Variants in SEPTIN9 observed in about 807,000 individuals in gnomAD.
SEPTIN9 encodes the protein septin 9, also known as septin-9.
A neutral mutation model predicts 56.6 loss-of-function variants in SEPTIN9; 13 were observed. The ratio of observed to expected loss-of-function variants is 0.23; its 90% CI spans 0.15 to 0.37. SEPTIN9 has a LOEUF of 0.37. Among genes scored for constraint, SEPTIN9 ranks in the 10% least tolerant of loss-of-function variants. The pLI, the probability that SEPTIN9 is intolerant of heterozygous loss-of-function variation, is 1.00. For missense variants in SEPTIN9, 650 were observed against 823.1 expected (o/e 0.79, Z 2.57); for synonymous variants, 332 against 334.1 (o/e 0.99, Z 0.07).
chr17:77,313,332 G>A lies in SEPTIN9; in HGVS notation c.76+6135G>A, dbSNP rs985757249. The stretch of plus-strand genomic sequence containing the variant: ...GGGCCCAACCGGGCTGCTTCTCCCC[G>A]TTGTCTTGGTTTCCTTCCACGCTGA... On this transcript the variant is annotated intron_variant, in intron 2 of 11. Transcript: ENST00000427177. The surrounding 1 kb of genome is among the most constrained non-coding windows in gnomAD (Gnocchi z 4.5). Among the ~76,000 whole-genome samples, 1 of 152,206 alleles carries A rather than the reference G, an allele frequency of 6.6e-6. No individual in the cohort carries two copies. Among genetic ancestry groups the A allele is most frequent in the Non-Finnish European group, 1.5e-5 (1 of 68,034 alleles).
intron 2 of SEPTIN9, among the ~76,000 whole-genome samples, chr17:77,395,067 T>C (rs2035660539): frequency 6.8e-6 from 1 of 147,518 alleles, no homozygotes; most frequent in Non-Finnish European, 1.5e-5. Context: ...TCTGTGTATG[T>C]GTGTGTTTTT....
In SEPTIN9 at chr17:77,318,178, G is replaced by A. The variant is rs145158259; in HGVS notation, c.76+10981G>A. Among the ~76,000 whole-genome samples the A allele has an allele frequency of 6.6e-6, 1 of 152,168 alleles. No homozygotes were observed. Among genetic ancestry groups the A allele is most frequent in the African/African-American group, 2.4e-5 (1 of 41,504 alleles). On this transcript the variant is annotated intron_variant, in intron 2 of 11. Transcript: ENST00000427177. This position sits in a 1 kb window ranked among gnomAD's most constrained non-coding sequence, Gnocchi z 4.9. The stretch of plus-strand genomic sequence containing the variant: ...CGATCCCAGGTGCCAAAAAGGTTGG[G>A]GGCCACTGCCTTCATCGCCTGCCCC...
chr17:77,412,491 C>G (rs898161113), intron 3 of SEPTIN9, among the ~76,000 whole-genome samples: 2 of 152,160 alleles, frequency 1.3e-5, no homozygotes, highest in South Asian at 2.1e-4. Context: ...AATCCCAGCA[C>G]TTTGGGAGGC....
intron 2 of SEPTIN9, among the ~76,000 whole-genome samples, chr17:77,324,508 TC>T (rs1251633235): frequency 6.6e-6 from 1 of 152,172 alleles, no homozygotes; most frequent in East Asian, 1.9e-4. Context: ...AGCCGGCAAC[TC>T]CCCACCAGGC....
At chr17:77,390,687 G>A (rs1006151900) in intron 2 of SEPTIN9, among the ~76,000 whole-genome samples, 5 of 151,986 alleles carry the variant, frequency 3.3e-5, no homozygotes, top group African/African-American at 9.7e-5. Context: ...TCCTGACCTC[G>A]TGATCTGCCC....
rs535490133 is a variant in SEPTIN9 at position 77,327,600 on chromosome 17, A to C, written c.76+20403A>C. On this transcript the variant is annotated intron_variant, in intron 2 of 11. Transcript: ENST00000427177. The surrounding 1 kb of genome is among the most constrained non-coding windows in gnomAD (Gnocchi z 5.0). ...GTGGGTGGGGAGATTCCTCTTAACC[A>C]GCGGCCCACGTTTGGAGACTGATTT... is the stretch of plus-strand genomic sequence containing the variant. 6.6e-6 allele frequency among the ~76,000 whole-genome samples: 1 copy of C among 152,248 alleles called. No homozygotes were observed. The highest frequency in any genetic ancestry group is 1.9e-4 in the East Asian group (1 of 5,172).
At chr17:77,378,954 G>A (rs1228090397) in intron 2 of SEPTIN9, among the ~76,000 whole-genome samples, 2 of 152,070 alleles carry the variant, frequency 1.3e-5, no homozygotes, top group Non-Finnish European at 2.9e-5. Flanking sequence ...AGGACAGCGG[G>A]GGCGCTGGCA....
chr17:77,358,523 C>T (rs905971229), intron 2 of SEPTIN9, among the ~76,000 whole-genome samples: 9 of 151,972 alleles, frequency 5.9e-5, no homozygotes, highest in Non-Finnish European at 1.0e-4. Context: ...CAAGGAGAAC[C>T]CAGCTACCCA....
rs920413936 is a variant in SEPTIN9, at chr17:77,317,088, A to G, written c.76+9891A>G. ...GTTTTAGGAAGAAATAGAATAACAGAAAGCAACTCCAGTGAGCTGAGCCCT... is the reference window on the plus strand; with the variant it reads ...GTTTTAGGAAGAAATAGAATAACAGGAAGCAACTCCAGTGAGCTGAGCCCT... On this transcript the variant is annotated intron_variant, in intron 2 of 11. Transcript: ENST00000427177. This position sits in a 1 kb window ranked among gnomAD's most constrained non-coding sequence, Gnocchi z 4.2. Among the ~76,000 whole-genome samples the G allele has an allele frequency of 6.6e-6, 1 of 152,336 alleles. No homozygotes were observed. Among genetic ancestry groups the G allele is most frequent in the Admixed American group, 6.5e-5 (1 of 15,308 alleles).
intron 3 of SEPTIN9, among the ~76,000 whole-genome samples, chr17:77,422,158 G>A (rs2036727934): frequency 6.6e-6 from 1 of 152,176 alleles, no homozygotes; most frequent in Admixed American, 6.5e-5. Context: ...GTGCTCAGCT[G>A]GGGTTTTCCT....
At chr17:77,312,343 G>T (rs1753530813) in intron 2 of SEPTIN9, among the ~76,000 whole-genome samples, 1 of 152,174 alleles carries the variant, frequency 6.6e-6, no homozygotes, top group Non-Finnish European at 1.5e-5. Flanking sequence ...CTCGAGGGTG[G>T]ATTCGTGCTG....
intron 3 of SEPTIN9, chr17:77,471,195 C>G (rs1052544886): frequency 6.6e-6 from 1 of 152,370 alleles, no homozygotes. Flanking sequence ...CAGTTGTGTG[C>G]GATGTCTTTC....
rs1209684675 is a variant in SEPTIN9, at chr17:77,405,515, C to T, written c.721+2812C>T. The stretch of plus-strand genomic sequence containing the variant: ...AAACCATCAGCATCCCAGACCCGGC[C>T]ACCCACGGACAGGGACCTGTGCAGG... On this transcript the variant is annotated intron_variant, in intron 3 of 11. Coordinates refer to ENST00000427177, the MANE Select transcript of SEPTIN9 (RefSeq NM_001113491.2). The surrounding 1 kb of genome is among the most constrained non-coding windows in gnomAD (Gnocchi z 5.8). 6.6e-6 allele frequency among the ~76,000 whole-genome samples: 1 copy of T among 152,194 alleles called. No individual in the cohort carries two copies. The highest frequency in any genetic ancestry group is 2.4e-5 in the African/African-American group (1 of 41,444).
In SEPTIN9 at chr17:77,400,272, ACT is replaced by A. The variant is rs1185275148; in HGVS notation, c.77-1782_77-1781del. On this transcript the variant is annotated intron_variant, in intron 2 of 11. Transcript: ENST00000427177. The surrounding 1 kb of genome is among the most constrained non-coding windows in gnomAD (Gnocchi z 4.1). ...ATATCATATAAAGATCCAGATTTCT[ACT>A]CTCTTGAGAAGTGAACAGCTCTGGC... Among the ~76,000 whole-genome samples, 3 of 151,936 alleles carry A rather than the reference ACT, an allele frequency of 2.0e-5. No homozygotes were observed. The highest frequency in any genetic ancestry group is 4.4e-5 in the Non-Finnish European group (3 of 67,986).
intron 3 of SEPTIN9, chr17:77,442,042 A>G (rs2037564548): frequency 1.3e-5 from 2 of 152,254 alleles, no homozygotes; most frequent in Admixed American, 6.5e-5. Flanking sequence ...AGACAGATTT[A>G]ATCACATACG....
At chr17:77,399,560 A>C (rs1325672006) in intron 2 of SEPTIN9, among the ~76,000 whole-genome samples, 1 of 152,178 alleles carries the variant, frequency 6.6e-6, no homozygotes, top group South Asian at 2.1e-4. Context: ...CCCGATGTAC[A>C]GTCTGGCTCT....
intron 1 of SEPTIN9, chr17:77,287,877 C>A: frequency 9.7e-7 from 1 of 1,031,352 alleles, no homozygotes; most frequent in South Asian, 4.6e-5. Flanking sequence ...GTAAGATGAT[C>A]CCAGCTTCAA....
At chr17:77,493,697 A>G (rs1445618578) in intron 10 of SEPTIN9, among the ~76,000 whole-genome samples, 2 of 150,704 alleles carry the variant, frequency 1.3e-5, no homozygotes, top group Non-Finnish European at 2.9e-5. Flanking sequence ...AAGGCATCAC[A>G]TGCTCTAATC....
At chr17:77,388,730 C>T (rs1197237620) in intron 2 of SEPTIN9, among the ~76,000 whole-genome samples, 1 of 151,802 alleles carries the variant, frequency 6.6e-6, no homozygotes, top group East Asian at 1.9e-4. Flanking sequence ...CCATCGGCTG[C>T]CCGCCTTGGG....
Sources: gnomAD v4.1 joint callset for allele counts (sites outside exome capture counted in the v4.1 genomes callset) on GRCh38, gnomAD v4.1.1 for gene constraint, Gnocchi (gnomAD v3.1) non-coding constraint, MANE v1.5 for transcripts, NCBI Gene and HGNC (gene_info 2026-07-23, HGNC 2026-07-21) for gene names.